SUGCT: variants seen among roughly 807,000 people sequenced by gnomAD.
The protein encoded by SUGCT is succinyl-CoA:glutarate-CoA transferase.
A neutral mutation model predicts 55.0 loss-of-function variants in SUGCT; 41 were observed. That is an observed-to-expected ratio of 0.74 (90% confidence interval 0.58 to 0.97). The LOEUF (loss-of-function observed/expected upper bound fraction) is 0.97, where lower values mean the gene tolerates loss of function less well. SUGCT is among the 50% of genes least tolerant of loss of function. The pLI, the probability that SUGCT is intolerant of heterozygous loss-of-function variation, is 0.00. For missense variants in SUGCT, 568 were observed against 547.8 expected, an observed-to-expected ratio of 1.04 and a Z score of -0.37; for synonymous variants, 187 against 200.4, an observed-to-expected ratio of 0.93 and a Z score of 0.56.
chr7:40,567,657 GT>G (rs1459327497), intron 12 of SUGCT, among the ~76,000 whole-genome samples: 1 of 152,154 alleles, frequency 6.6e-6, no homozygotes, highest in Non-Finnish European at 1.5e-5. Flanking sequence ...GTTTAAGTCT[GT>G]CTTGCTTTCA....
the SUGCT span, among the ~76,000 whole-genome samples, chr7:40,941,130 C>T: frequency 1.3e-5 from 2 of 151,870 alleles, no homozygotes; most frequent in Admixed American, 1.3e-4. Context: ...TTGAGATGAT[C>T]ATATGGTTTT....
At chr7:40,185,908 A>C (rs1349301975) in intron 3 of SUGCT, among the ~76,000 whole-genome samples, 1 of 152,008 alleles carries the variant, frequency 6.6e-6, no homozygotes, top group African/African-American at 2.4e-5. Context: ...TATATATTTA[A>C]TTGTTTTGGG....
At chr7:40,956,438 A>G in the SUGCT span, among the ~76,000 whole-genome samples, 2 of 152,000 alleles carry the variant, frequency 1.3e-5, no homozygotes, top group Non-Finnish European at 2.9e-5. Flanking sequence ...GTATTCTCTG[A>G]TGGTAGTTTG....
chr7:40,565,987 A>ACG (rs1554368984), intron 12 of SUGCT, among the ~76,000 whole-genome samples: 1 of 94,018 alleles, frequency 1.1e-5, no homozygotes, highest in African/African-American at 5.2e-5. Context: ...ACACACACAC[A>ACG]CACACGCACA....
intron 12 of SUGCT, among the ~76,000 whole-genome samples, chr7:40,635,262 G>C (rs1208462376): frequency 6.6e-6 from 1 of 151,756 alleles, no homozygotes; most frequent in Non-Finnish European, 1.5e-5. Context: ...CTCCAGCCTG[G>C]GTGACAGAGC....
intron 12 of SUGCT, among the ~76,000 whole-genome samples, chr7:40,725,058 G>A (rs781533728): frequency 6.6e-6 from 1 of 152,146 alleles, no homozygotes; most frequent in Non-Finnish European, 1.5e-5. Flanking sequence ...CTGTCGTGGG[G>A]CTCTTTTCAG....
chr7:40,431,493 T>C (rs564588503), intron 9 of SUGCT, among the ~76,000 whole-genome samples: 1 of 152,342 alleles, frequency 6.6e-6, no homozygotes, highest in Non-Finnish European at 1.5e-5. Context: ...GGGATTTTGA[T>C]AGGAATTTTA....
chr7:40,167,414 C>G (rs578210193), intron 1 of SUGCT, among the ~76,000 whole-genome samples: 3 of 152,160 alleles, frequency 2.0e-5, no homozygotes, highest in Non-Finnish European at 4.4e-5. Flanking sequence ...AGAAAGTTCT[C>G]TTTCTTGATT....
At chr7:40,278,316 A>G in intron 8 of SUGCT, among the ~76,000 whole-genome samples, 1 of 152,152 alleles carries the variant, frequency 6.6e-6, no homozygotes, top group Non-Finnish European at 1.5e-5. Flanking sequence ...GAACACTTTT[A>G]CACTGTTGGT....
chr7:40,759,085 A>C (rs187576566), intron 13 of SUGCT, among the ~76,000 whole-genome samples: 6 of 152,304 alleles, frequency 3.9e-5, no homozygotes, highest in Admixed American at 3.9e-4. Context: ...CAGCCACAAA[A>C]ACTAAAGAAG....
intron 1 of SUGCT, among the ~76,000 whole-genome samples, chr7:40,160,393 T>C (rs981743620): frequency 3.3e-5 from 5 of 152,194 alleles, no homozygotes; most frequent in Non-Finnish European, 5.9e-5. Context: ...CATGCCCGGC[T>C]AATTTTTGTG....
chr7:40,769,001 T>A (rs1264610649), intron 13 of SUGCT, among the ~76,000 whole-genome samples: 1 of 152,142 alleles, frequency 6.6e-6, no homozygotes, highest in Non-Finnish European at 1.5e-5. Context: ...TAGAGAGGGA[T>A]ATTCCTTGAG....
intron 11 of SUGCT, among the ~76,000 whole-genome samples, chr7:40,481,406 G>A (rs1035863624): frequency 1.3e-5 from 2 of 151,030 alleles, no homozygotes; most frequent in Non-Finnish European, 2.9e-5. Context: ...TATTTATTAT[G>A]AGATTATTAT....
chr7:40,955,142 A>C, the SUGCT span, among the ~76,000 whole-genome samples: 1 of 152,208 alleles, frequency 6.6e-6, no homozygotes, highest in Non-Finnish European at 1.5e-5. Flanking sequence ...GTTCCATATA[A>C]AATTTAAAGT....
At chr7:40,186,086 T>G (rs1490962320) in intron 3 of SUGCT, among the ~76,000 whole-genome samples, 1 of 136,704 alleles carries the variant, frequency 7.3e-6, no homozygotes, top group Non-Finnish European at 1.5e-5. Flanking sequence ...TCTTTCTCTC[T>G]TTTTCTTCCT....
intron 12 of SUGCT, among the ~76,000 whole-genome samples, chr7:40,578,277 A>G (rs1389770224): frequency 6.6e-6 from 1 of 152,170 alleles, no homozygotes; most frequent in Admixed American, 6.5e-5. Context: ...TCCTGGGAAA[A>G]CCAGGAAGAC....
At chr7:40,429,453 G>A (rs1174276504) in intron 9 of SUGCT, among the ~76,000 whole-genome samples, 1 of 152,150 alleles carries the variant, frequency 6.6e-6, no homozygotes, top group East Asian at 1.9e-4. Flanking sequence ...TGAGGAGCAA[G>A]GAAGCCAGTT....
At chr7:40,743,316 A>G (rs1787563880) in intron 12 of SUGCT, among the ~76,000 whole-genome samples, 1 of 152,238 alleles carries the variant, frequency 6.6e-6, no homozygotes, top group South Asian at 2.1e-4. Flanking sequence ...GCTTAAAATA[A>G]GAGCACTCTC....
rs545785400 is a variant in SUGCT, at chr7:40,552,285, T to C, written c.1089+55899T>C. Among the ~76,000 whole-genome samples the C allele has an allele frequency of 4.6e-5, 7 of 152,332 alleles. No individual in the cohort carries two copies. In the South Asian group the frequency reaches 1.5e-3, roughly 32 times the overall value. On this transcript the variant is annotated intron_variant, in intron 12 of 13. Transcript: ENST00000335693. The stretch of plus-strand genomic sequence containing the variant: ...GGAAGTTGCTTTTATTACTGTGGCA[T>C]GAGAGGCCCCTCTGCCCTCCATACC...
Sources: gnomAD v4.1 joint callset for allele counts (sites outside exome capture counted in the v4.1 genomes callset) on GRCh38, gnomAD v4.1.1 for gene constraint, MANE v1.5 for transcripts, NCBI Gene and HGNC (gene_info 2026-07-23, HGNC 2026-07-21) for gene names.